Variants in CLSTN2 observed in about 807,000 individuals in gnomAD.
The protein encoded by CLSTN2 is calsyntenin 2.
Under a neutral mutation model 101.2 loss-of-function variants are expected in CLSTN2, and 48 were observed. The ratio of observed to expected loss-of-function variants is 0.47; its 90% confidence interval spans 0.38 to 0.60. The LOEUF is 0.60. Ranked by LOEUF, CLSTN2 falls within the 20% of genes least tolerant of loss-of-function variation. The probability of loss-of-function intolerance (pLI) is 0.00; values close to 1 mark genes in which losing one functional copy is unlikely to be tolerated. For synonymous variants in CLSTN2, 481 were observed against 463.6 expected (o/e 1.04, Z -0.48); for missense variants, 1,160 against 1,238.2 (o/e 0.94, Z 0.95).
intron 4 of CLSTN2, among the ~76,000 whole-genome samples, chr3:140,416,052 G>C (rs961160828): frequency 6.6e-5 from 10 of 152,282 alleles, no homozygotes; most frequent in African/African-American, 2.2e-4. Context: ...CCTGCCGTTT[G>C]CAACAACTTG....
intron 6 of CLSTN2, among the ~76,000 whole-genome samples, chr3:140,448,977 G>A (rs1186559047): frequency 6.6e-6 from 1 of 152,154 alleles, no homozygotes; most frequent in Non-Finnish European, 1.5e-5. Flanking sequence ...TGGTAAAACG[G>A]GAATTAAATG....
chr3:140,183,125 C>G (rs1367024467), intron 2 of CLSTN2, among the ~76,000 whole-genome samples: 1 of 152,078 alleles, frequency 6.6e-6, no homozygotes, highest in East Asian at 1.9e-4. Context: ...CCTGTCACAC[C>G]CATGCACCAG....
At chr3:140,156,081 C>A (rs748501279) in intron 1 of CLSTN2, among the ~76,000 whole-genome samples, 1 of 152,096 alleles carries the variant, frequency 6.6e-6, no homozygotes, top group Non-Finnish European at 1.5e-5. Flanking sequence ...CTTTGCATTT[C>A]TTTCCTCCCT....
At chr3:140,450,530 C>T (rs1274141343) in intron 6 of CLSTN2, among the ~76,000 whole-genome samples, 1 of 152,166 alleles carries the variant, frequency 6.6e-6, no homozygotes, top group East Asian at 1.9e-4. Context: ...CTGGACTCTC[C>T]AGCCATGTTT....
At chr3:140,407,947 C>G (rs114892134) in intron 4 of CLSTN2, among the ~76,000 whole-genome samples, 1 of 152,062 alleles carries the variant, frequency 6.6e-6, no homozygotes, top group African/African-American at 2.4e-5. Flanking sequence ...TTTGCAAACA[C>G]GAAGTATGGG....
At chr3:140,428,291 A>G (rs1295540615) in intron 5 of CLSTN2, among the ~76,000 whole-genome samples, 1 of 152,070 alleles carries the variant, frequency 6.6e-6, no homozygotes, top group Non-Finnish European at 1.5e-5. Context: ...CAAGCTGAAA[A>G]GATTATCTTC....
At chr3:140,533,604 G>A (rs1035191302) in intron 9 of CLSTN2, among the ~76,000 whole-genome samples, 1 of 151,728 alleles carries the variant, frequency 6.6e-6, no homozygotes, top group East Asian at 1.9e-4. Flanking sequence ...CCAGCTACTC[G>A]GGAGGCTGAG....
intron 2 of CLSTN2, among the ~76,000 whole-genome samples, chr3:140,302,672 C>T (rs1346688027): frequency 6.6e-6 from 1 of 152,224 alleles, no homozygotes; most frequent in Non-Finnish European, 1.5e-5. Flanking sequence ...GCAAAACTCT[C>T]ATCCAAGGTT....
chr3:140,118,117 A>G (rs1477314388), intron 1 of CLSTN2, among the ~76,000 whole-genome samples: 2 of 152,080 alleles, frequency 1.3e-5, no homozygotes, highest in Non-Finnish European at 2.9e-5. Context: ...ATTAGGACAG[A>G]CACAGGAAGA....
intron 2 of CLSTN2, among the ~76,000 whole-genome samples, chr3:140,264,685 A>C (rs757724287): frequency 2.7e-4 from 41 of 152,044 alleles, no homozygotes; most frequent in Non-Finnish European, 5.4e-4. Flanking sequence ...ATTGCCTTTC[A>C]TTGTCAAGAG....
intron 2 of CLSTN2, among the ~76,000 whole-genome samples, chr3:140,226,111 G>T (rs1274748694): frequency 1.3e-5 from 2 of 152,098 alleles, no homozygotes; most frequent in South Asian, 4.1e-4. Context: ...AGAGAAAAAA[G>T]CCAATCCCAA....
chr3:139,993,830 G>T (rs1426030), intron 1 of CLSTN2, among the ~76,000 whole-genome samples: 38,483 of 152,078 alleles, frequency 0.25, 5,102 homozygotes, highest in Admixed American at 0.37. Flanking sequence ...GATGTGATGG[G>T]ATTGGGAGAA....
chr3:140,511,651 G>C (rs1034178073), intron 8 of CLSTN2, among the ~76,000 whole-genome samples: 1 of 144,504 alleles, frequency 6.9e-6, no homozygotes, highest in Non-Finnish European at 1.5e-5. Context: ...CCGGGTTCAC[G>C]CAATTCTCCT....
At chr3:140,163,962 A>G (rs2010091834) in intron 1 of CLSTN2, among the ~76,000 whole-genome samples, 1 of 152,112 alleles carries the variant, frequency 6.6e-6, no homozygotes, top group Non-Finnish European at 1.5e-5. Flanking sequence ...GTTAAGGACT[A>G]TCTTAGGGGT....
At chr3:140,341,785 G>T (rs2087495974) in intron 2 of CLSTN2, among the ~76,000 whole-genome samples, 1 of 152,116 alleles carries the variant, frequency 6.6e-6, no homozygotes, top group Admixed American at 6.5e-5. Context: ...CAGTTACAAT[G>T]TCCTGGCCAC....
intron 2 of CLSTN2, among the ~76,000 whole-genome samples, chr3:140,352,820 A>G (rs1290368410): frequency 6.6e-6 from 1 of 152,080 alleles, no homozygotes; most frequent in African/African-American, 2.4e-5. Flanking sequence ...ACCTCCTGCC[A>G]TCTCCAGTCA....
At chr3:140,537,310 A>G (rs915289066) in intron 9 of CLSTN2, among the ~76,000 whole-genome samples, 2 of 152,176 alleles carry the variant, frequency 1.3e-5, no homozygotes, top group African/African-American at 4.8e-5. Context: ...TAATTAGACA[A>G]CTAGTCCTAT....
intron 2 of CLSTN2, among the ~76,000 whole-genome samples, chr3:140,370,907 G>A (rs1037750917): frequency 6.6e-6 from 1 of 151,246 alleles, no homozygotes; most frequent in African/African-American, 2.4e-5. Flanking sequence ...ACCTGGACAA[G>A]CCAAACACAT....
At chr3:140,296,000 T>C (rs1267484867) in intron 2 of CLSTN2, among the ~76,000 whole-genome samples, 1 of 152,242 alleles carries the variant, frequency 6.6e-6, no homozygotes, top group Non-Finnish European at 1.5e-5. Context: ...ATCCAATTCT[T>C]ATATGTTGAA....
Sources: allele counts gnomAD v4.1 joint callset (sites outside exome capture counted in the v4.1 genomes callset), GRCh38; gene constraint gnomAD v4.1.1; transcripts MANE v1.5; gene names NCBI Gene and HGNC (gene_info 2026-07-23, HGNC 2026-07-21).